ACYP2: variants seen among roughly 807,000 people sequenced by gnomAD.
ACYP2 encodes acylphosphatase-2.
A neutral mutation model predicts 11.2 loss-of-function variants in ACYP2; 12 were observed. The ratio of observed to expected loss-of-function variants is 1.08; its 90% CI spans 0.69 to 1.74. The LOEUF (loss-of-function observed/expected upper bound fraction) is 1.74. Ranked by LOEUF, ACYP2 falls within the 40% of genes most tolerant of loss-of-function variation. The probability of loss-of-function intolerance (pLI) is 0.00; values close to 1 mark genes in which losing one functional copy is unlikely to be tolerated. For missense variants in ACYP2, 134 were observed against 101.9 expected (o/e 1.31, Z -1.35); for synonymous variants, 43 against 32.2 (o/e 1.33, Z -1.13).
chr2:54,122,594 C>T (rs997259387), intron 4 of ACYP2, among the ~76,000 whole-genome samples: 7 of 152,226 alleles, frequency 4.6e-5, no homozygotes, highest in African/African-American at 1.4e-4. Context: ...CCAGCCAACA[C>T]TGATAAAGTG....
chr2:54,023,492 T>G (rs115796053), intron 2 of ACYP2, among the ~76,000 whole-genome samples: 2,754 of 152,302 alleles, frequency 0.018, 35 homozygotes, highest in Non-Finnish European at 0.03. Flanking sequence ...AGTTTGAGAA[T>G]TTCAGGTGCT....
At chr2:54,255,612 T>C (rs1458759042) in intron 6 of ACYP2, 10 of 1,613,598 alleles carry the variant, frequency 6.2e-6, no homozygotes, top group Non-Finnish European at 8.5e-6. Flanking sequence ...TTACCTCATC[T>C]ATTGCTCTGT....
intron 2 of ACYP2, among the ~76,000 whole-genome samples, chr2:53,995,028 C>G (rs7591431): frequency 0.036 from 5,431 of 151,820 alleles, 130 homozygotes; most frequent in Non-Finnish European, 0.055. Context: ...GTTTTTGCGT[C>G]AGTGTCTCAT....
chr2:54,078,507 A>G (rs1008631923), intron 4 of ACYP2, among the ~76,000 whole-genome samples: 2 of 151,018 alleles, frequency 1.3e-5, no homozygotes, highest in African/African-American at 4.9e-5. Context: ...ACCATCTTGC[A>G]TCATCTCCTC....
At chr2:54,224,378 T>C (rs1051893071) in intron 6 of ACYP2, among the ~76,000 whole-genome samples, 3 of 152,186 alleles carry the variant, frequency 2.0e-5, no homozygotes, top group African/African-American at 7.2e-5. Flanking sequence ...AGAGAAAGGA[T>C]GCGGGGGTTG....
chr2:54,278,255 G>A (rs1688699575), intron 6 of ACYP2, among the ~76,000 whole-genome samples: 1 of 152,198 alleles, frequency 6.6e-6, no homozygotes, highest in South Asian at 2.1e-4. Flanking sequence ...TGGGATTACA[G>A]GCGTCAGCCA....
intron 6 of ACYP2, chr2:54,256,289 A>G: frequency 2.2e-6 from 2 of 908,676 alleles, no homozygotes; most frequent in East Asian, 2.6e-5. Flanking sequence ...CCCACCCCTC[A>G]GTCTCGCGAC....
chr2:54,272,445 G>A (rs1196958802), intron 6 of ACYP2, among the ~76,000 whole-genome samples: 1 of 132,508 alleles, frequency 7.5e-6, no homozygotes, highest in Non-Finnish European at 1.6e-5. Context: ...CACACTTCCT[G>A]TTTCTAGGTC....
At chr2:54,293,217 T>C (rs843733) in intron 6 of ACYP2, among the ~76,000 whole-genome samples, 52,331 of 152,004 alleles carry the variant, frequency 0.34, 9,696 homozygotes, top group Admixed American at 0.48. Context: ...CTCTAAAGTC[T>C]ACTTCCATCC....
Position 53,971,772 on chromosome 2 carries a change from A to G in ACYP2, c.-37+451A>G, listed in dbSNP as rs10184954. ...CTAGAAGTGATACTTAATTTAAGCT[A>G]TGAAGGTTGAGTGCAAAGTTGGTTA... On this transcript the variant is annotated intron_variant, in intron 1 of 6. Transcript: ENST00000607452. 2.2e-3 allele frequency among the ~76,000 whole-genome samples: 335 copies of G among 152,336 alleles called. 2 individuals carry two copies. The highest frequency in any genetic ancestry group is 7.7e-3 in the African/African-American group (321 of 41,566).
chr2:54,255,083 G>T (rs1245793171), intron 6 of ACYP2: 2 of 1,614,096 alleles, frequency 1.2e-6, no homozygotes, highest in Non-Finnish European at 1.7e-6. Flanking sequence ...GGAAGGCTGT[G>T]GTCTGAAAAC....
chr2:54,196,529 G>A (rs1684488044), intron 6 of ACYP2, among the ~76,000 whole-genome samples: 2 of 152,048 alleles, frequency 1.3e-5, no homozygotes, highest in Admixed American at 6.6e-5. Context: ...TTAAGATTTG[G>A]TGAATTACAT....
chr2:54,105,093 T>C (rs749810994), intron 4 of ACYP2, among the ~76,000 whole-genome samples: 1 of 152,174 alleles, frequency 6.6e-6, no homozygotes, highest in African/African-American at 2.4e-5. Context: ...TTCAGGAAAT[T>C]TCCCCCCAGG....
intron 4 of ACYP2, among the ~76,000 whole-genome samples, chr2:54,099,578 C>G (rs1314591103): frequency 1.3e-5 from 2 of 152,212 alleles, no homozygotes; most frequent in African/African-American, 4.8e-5. Flanking sequence ...ACGATGTCCT[C>G]AGATTCATCC....
intron 2 of ACYP2, among the ~76,000 whole-genome samples, chr2:54,026,563 T>C (rs2104550483): frequency 6.6e-6 from 1 of 151,272 alleles, no homozygotes; most frequent in South Asian, 2.1e-4. Flanking sequence ...ACTGGGTATC[T>C]ACCCAGAGGA....
At chr2:54,266,055 A>G (rs1036278791) in intron 6 of ACYP2, among the ~76,000 whole-genome samples, 1 of 152,230 alleles carries the variant, frequency 6.6e-6, no homozygotes, top group African/African-American at 2.4e-5. Flanking sequence ...ATGTTCTGAG[A>G]ACAGTTCTGT....
chr2:54,219,903 A>ATTT (rs1240349827), intron 6 of ACYP2, among the ~76,000 whole-genome samples: 68 of 100,438 alleles, frequency 6.8e-4, no homozygotes, highest in South Asian at 2.1e-3. Context: ...ATATATATAT[A>ATTT]TATTTTTTTT....
chr2:54,013,653 A>C (rs1449466864), intron 2 of ACYP2, among the ~76,000 whole-genome samples: 1 of 151,920 alleles, frequency 6.6e-6, no homozygotes, highest in Non-Finnish European at 1.5e-5. Context: ...CTTCTATACA[A>C]ATCCTTGACT....
chr2:54,015,976 T>A (rs1052525885), intron 2 of ACYP2, among the ~76,000 whole-genome samples: 2 of 152,066 alleles, frequency 1.3e-5, no homozygotes, highest in African/African-American at 4.8e-5. Context: ...ACTAGAATTT[T>A]AAATGTTTCT....
Sources: allele counts gnomAD v4.1 joint callset (sites outside exome capture counted in the v4.1 genomes callset), GRCh38; gene constraint gnomAD v4.1.1; transcripts MANE v1.5; gene names NCBI Gene and HGNC (gene_info 2026-07-23, HGNC 2026-07-21).